The following SPEF2 variants were observed in gnomAD, a reference collection of about 807,000 sequenced individuals.
SPEF2 encodes sperm flagellar and cilia associated 2, also known as sperm flagella and cilia-associated protein 2.
Under a neutral mutation model 224.6 loss-of-function variants are expected in SPEF2, and 187 were observed. The ratio of observed to expected loss-of-function variants is 0.83; its 90% CI spans 0.74 to 0.94. The LOEUF (loss-of-function observed/expected upper bound fraction) is 0.94, where lower values mean the gene tolerates loss of function less well. SPEF2 is among the 40% of genes least tolerant of loss of function. SPEF2 has a pLI of 0.00. For synonymous variants in SPEF2, 715 were observed against 707.3 expected (o/e 1.01, Z -0.17); for missense variants, 2,170 against 2,135.6 (o/e 1.02, Z -0.32).
chr5:35,743,388 G>T (rs1291517745), intron 23 of SPEF2, among the ~76,000 whole-genome samples: 1 of 151,996 alleles, frequency 6.6e-6, no homozygotes, highest in African/African-American at 2.4e-5. Flanking sequence ...TAAACTTTGA[G>T]TAGAAATTTG....
intron 30 of SPEF2, among the ~76,000 whole-genome samples, chr5:35,780,014 T>C (rs1411353826): frequency 2.0e-5 from 3 of 152,156 alleles, no homozygotes; most frequent in African/African-American, 7.2e-5. Context: ...ACAGATCACA[T>C]AGGATTATCA....
Position 35,751,096 on chromosome 5 carries a change from C to CATATATATAT in SPEF2, c.3331-2515_3331-2506dup, listed in dbSNP as rs376188111. On this transcript the variant is annotated intron_variant, in intron 23 of 36. Transcript: ENST00000356031. ...ATATATATACACACACACACACACA[C>CATATATATAT]ATATATATATATATATATATATGAT... Among the ~76,000 whole-genome samples the CATATATATAT allele has an allele frequency of 1.8e-3, 56 of 30,588 alleles. 5 individuals are homozygous for CATATATATAT. The highest frequency in any genetic ancestry group is 7.6e-3 in the South Asian group (5 of 656). The allele number at this position is 30,588 out of a possible 152,430, so 20.1% of individuals were successfully genotyped here.
chr5:35,630,679 G>C (rs1243762491), intron 2 of SPEF2, among the ~76,000 whole-genome samples: 1 of 151,920 alleles, frequency 6.6e-6, no homozygotes, highest in Non-Finnish European at 1.5e-5. Flanking sequence ...CTGGGCAGCA[G>C]AGCGAGACTC....
At chr5:35,752,903 A>G (rs1439442531) in intron 23 of SPEF2, among the ~76,000 whole-genome samples, 1 of 150,620 alleles carries the variant, frequency 6.6e-6, no homozygotes, top group Non-Finnish European at 1.5e-5. Context: ...TCTATGTGAT[A>G]ACTATTTTTA....
chr5:35,702,673 C>T (rs1029397854), intron 16 of SPEF2, among the ~76,000 whole-genome samples: 1 of 152,056 alleles, frequency 6.6e-6, no homozygotes, highest in African/African-American at 2.4e-5. Flanking sequence ...AAGTATAATG[C>T]AACAAAGACT....
chr5:35,770,106 A>T lies in SPEF2; in HGVS notation c.3802-1503A>T, dbSNP rs561484359. Among the ~76,000 whole-genome samples the T allele has an allele frequency of 4.8e-3, 721 of 151,762 alleles. 5 individuals are homozygous for T. Among genetic ancestry groups the T allele is most frequent in the African/African-American group, 0.017 (684 of 41,362 alleles). On this transcript the variant is annotated intron_variant, in intron 26 of 36. Coordinates refer to ENST00000356031, the MANE Select transcript of SPEF2 (RefSeq NM_024867.4). ...GTTCTCATTTCTTGGGGTGACACTCATAAACAACCTTCGCCTCCCCAGGGG... is the reference window on the plus strand; with the variant it reads ...GTTCTCATTTCTTGGGGTGACACTCTTAAACAACCTTCGCCTCCCCAGGGG...
In SPEF2 at chr5:35,771,682, C is replaced by A; in HGVS notation, c.3875C>A (p.Ser1292Tyr). 6.2e-7 allele frequency: 1 copy of A among 1,611,842 alleles called. No homozygotes were observed. Among genetic ancestry groups the A allele is most frequent in the African/African-American group, 1.3e-5 (1 of 74,724 alleles). Residue 1292 changes from serine to tyrosine, a missense_variant, in exon 27 of 37, where the codon TCT becomes TAT. By Grantham distance (144) the Ser-to-Tyr change is moderately radical. Coordinates refer to ENST00000356031, the MANE Select transcript of SPEF2 (RefSeq NM_024867.4). ...ENQPADPKEK[S>Y]PQMGANKKVK... is the part of the protein sequence containing the mutation. Reference sequence around the variant, plus strand: ...CAGCCAGCAGACCCCAAAGAAAAATCTCCTCAGATGGGTGCAAATAAAAAA... The same window carrying A: ...CAGCCAGCAGACCCCAAAGAAAAATATCCTCAGATGGGTGCAAATAAAAAA...
intron 10 of SPEF2, chr5:35,675,811 C>G: frequency 4.9e-6 from 2 of 405,728 alleles, no homozygotes; most frequent in South Asian, 3.5e-5. Context: ...TCAAAGAGGG[C>G]TCTATTTGCC....
chr5:35,802,923 G>A (rs946189905), intron 34 of SPEF2, among the ~76,000 whole-genome samples: 3 of 152,188 alleles, frequency 2.0e-5, no homozygotes, highest in African/African-American at 7.2e-5. Context: ...GTGTTGAGGA[G>A]AGACTACAGA....
intron 11 of SPEF2, among the ~76,000 whole-genome samples, chr5:35,691,839 G>A (rs1434019463): frequency 6.6e-6 from 1 of 151,872 alleles, no homozygotes; most frequent in African/African-American, 2.4e-5. Context: ...CGCTCTGTTG[G>A]CCCAGGATGA....
At position 35,763,866 on chromosome 5, in the gene SPEF2, G is replaced by T. The variant is rs6896356; in HGVS notation, c.3801+164G>T. 0.9 allele frequency among the ~76,000 whole-genome samples: 136,315 copies of T among 152,220 alleles called. 61,426 individuals carry two copies. The highest frequency in any genetic ancestry group is 0.99 in the South Asian group (4,763 of 4,828). On this transcript the variant is annotated intron_variant, in intron 26 of 36. Transcript: ENST00000356031. ...GAAAGAAATAGAGAAATGTGATTCA[G>T]TCAACAAATATTTGAGATCATGAAA...
chr5:35,638,759 G>C (rs1289883042), intron 2 of SPEF2, among the ~76,000 whole-genome samples: 1 of 152,164 alleles, frequency 6.6e-6, no homozygotes, highest in Non-Finnish European at 1.5e-5. Flanking sequence ...TCCTCAACTA[G>C]ATTGTGAAGA....
At position 35,700,700 on chromosome 5, in the gene SPEF2, A is replaced by C. The variant is rs766196977; in HGVS notation, c.2346A>C (p.Ile782=). Residue 782 remains isoleucine, a synonymous_variant, in exon 16 of 37, where the codon ATA becomes ATC. Transcript: ENST00000356031. The part of the protein sequence containing the change: ...PLPSPAFDFV[I]LLDVSDTSSM... Reference sequence around the variant, plus strand: ...CCTCTCCTGCATTTGATTTTGTCATATTATTAGATGTTTCAGATACTTCCT... The same window carrying C: ...CCTCTCCTGCATTTGATTTTGTCATCTTATTAGATGTTTCAGATACTTCCT... 19 of 1,613,848 alleles carry C rather than the reference A, an allele frequency of 1.2e-5. No individual in the cohort carries two copies. The highest frequency in any genetic ancestry group is 1.4e-5 in the Non-Finnish European group (17 of 1,179,914).
chr5:35,786,914 A>G (rs1025283931), intron 30 of SPEF2, among the ~76,000 whole-genome samples: 9 of 152,236 alleles, frequency 5.9e-5, no homozygotes, highest in African/African-American at 1.9e-4. Flanking sequence ...ACAAAAAAAG[A>G]GAATATATGT....
chr5:35,772,926 A>T (rs959871502), intron 27 of SPEF2, among the ~76,000 whole-genome samples: 2 of 152,166 alleles, frequency 1.3e-5, no homozygotes, highest in African/African-American at 4.8e-5. Context: ...CTCAAGAAAG[A>T]TTAGTTGAAC....
At chr5:35,768,246 A>G (rs1416942539) in intron 26 of SPEF2, among the ~76,000 whole-genome samples, 1 of 152,122 alleles carries the variant, frequency 6.6e-6, no homozygotes, top group East Asian at 1.9e-4. Context: ...AGTGACAATG[A>G]TGATCATAGC....
At chr5:35,811,109 T>C (rs1758507135) in intron 36 of SPEF2, among the ~76,000 whole-genome samples, 2 of 150,316 alleles carry the variant, frequency 1.3e-5, no homozygotes, top group African/African-American at 4.9e-5. Flanking sequence ...AAATAATAAA[T>C]AATAAAATAA....
At chr5:35,661,285 TATATATATATATATTATAC>T (rs1561152629) in intron 8 of SPEF2, among the ~76,000 whole-genome samples, 10 of 70,870 alleles carry the variant, frequency 1.4e-4, no homozygotes, top group Non-Finnish European at 2.5e-4. Flanking sequence ...TATATATATA[TATATATATATATATTATAC>T]ACACATATAT....
In SPEF2 at chr5:35,633,463, G is replaced by T. The variant is rs189626821; in HGVS notation, c.161+4901G>T. ...CTATAGTCACTCTAGTCCTGTTTTG[G>T]TTATTATTTGCTTGATATATGTTTT... is the stretch of plus-strand genomic sequence containing the variant. On this transcript the variant is annotated intron_variant, in intron 2 of 36. Transcript: ENST00000356031. Among the ~76,000 whole-genome samples, 41 of 151,830 alleles carry T rather than the reference G, an allele frequency of 2.7e-4. 1 individual carries two copies. Among genetic ancestry groups the T allele is most frequent in the African/African-American group, 8.9e-4 (37 of 41,474 alleles).
Sources: gnomAD v4.1 joint callset for allele counts (sites outside exome capture counted in the v4.1 genomes callset) on GRCh38, gnomAD v4.1.1 for gene constraint, MANE v1.5 for transcripts, NCBI Gene and HGNC (gene_info 2026-07-23, HGNC 2026-07-21) for gene names.